Variants in LSAMP observed in about 807,000 individuals in gnomAD.
The protein encoded by LSAMP is limbic system-associated membrane protein.
Under a neutral mutation model 38.6 loss-of-function variants are expected in LSAMP, and 7 were observed. That is an observed-to-expected ratio of 0.18 (90% confidence interval 0.10 to 0.34). The LOEUF is 0.34. Among genes scored for constraint, LSAMP ranks in the 10% least tolerant of loss-of-function variants. The pLI is 1.00. For missense variants in LSAMP, 313 were observed against 420.0 expected, an observed-to-expected ratio of 0.75 and a Z score of 2.23; for synonymous variants, 154 against 166.8, an observed-to-expected ratio of 0.92 and a Z score of 0.59.
At chr3:115,953,410 C>T (rs1013804297) in intron 3 of LSAMP, among the ~76,000 whole-genome samples, 1 of 129,446 alleles carries the variant, frequency 7.7e-6, no homozygotes, top group African/African-American at 2.7e-5. Flanking sequence ...TGCGTACACA[C>T]ACACACACAC....
chr3:116,159,352 T>A (rs1709829250), intron 1 of LSAMP, among the ~76,000 whole-genome samples: 1 of 152,154 alleles, frequency 6.6e-6, no homozygotes, highest in Non-Finnish European at 1.5e-5. Context: ...TTGCAAAGTA[T>A]GCATCTGACA....
At position 116,031,538 on chromosome 3, in the gene LSAMP, C is replaced by CTTTTTTTT. The variant is rs56951507; in HGVS notation, c.389-11906_389-11899dup. 2.7e-4 allele frequency among the ~76,000 whole-genome samples: 16 copies of CTTTTTTTT among 60,276 alleles called. 1 individual carries two copies. The highest frequency in any genetic ancestry group is 6.8e-4 in the East Asian group (1 of 1,480). 39.5% of individuals were successfully genotyped at this position (60,276 alleles called of 152,430 possible). A position where few individuals can be genotyped will look rare whatever the true frequency, so the allele number is the denominator to read the frequency against. ...CATGCCTACATAACTAGCCTAAATT[C>CTTTTTTTT]TTTTTTTTTTTTTTTTTTTTTTTTT... On this transcript the variant is annotated intron_variant, in intron 2 of 6. Coordinates refer to ENST00000490035, the MANE Select transcript of LSAMP (RefSeq NM_002338.5).
intron 1 of LSAMP, among the ~76,000 whole-genome samples, chr3:116,336,818 G>A (rs2047925558): frequency 6.6e-6 from 1 of 151,724 alleles, no homozygotes; most frequent in African/African-American, 2.4e-5. Flanking sequence ...TGAAAGCAGA[G>A]TCTCAAAGAG....
At chr3:116,207,697 G>C (rs2046089867) in intron 1 of LSAMP, among the ~76,000 whole-genome samples, 1 of 151,384 alleles carries the variant, frequency 6.6e-6, no homozygotes, top group Non-Finnish European at 1.5e-5. Flanking sequence ...ATTCTGGGTT[G>C]AAAATTCTTT....
intron 1 of LSAMP, among the ~76,000 whole-genome samples, chr3:116,166,992 C>T (rs376157189): frequency 7.8e-4 from 119 of 151,992 alleles, no homozygotes; most frequent in South Asian, 4.6e-3. Flanking sequence ...GGGGTTTCAC[C>T]GTGTTAGCCA....
At chr3:115,939,528 T>G in intron 3 of LSAMP, among the ~76,000 whole-genome samples, 1 of 111,954 alleles carries the variant, frequency 8.9e-6, no homozygotes, top group Admixed American at 9.2e-5. Flanking sequence ...TATGTTCTCT[T>G]TCTCTTTCTT....
chr3:115,893,277 C>T (rs1936647070), intron 3 of LSAMP, among the ~76,000 whole-genome samples: 1 of 151,922 alleles, frequency 6.6e-6, no homozygotes, highest in Admixed American at 6.6e-5. Context: ...GCACATGTAT[C>T]CCAGAACCTA....
intron 1 of LSAMP, among the ~76,000 whole-genome samples, chr3:116,415,535 G>A (rs1377536223): frequency 6.6e-6 from 1 of 152,074 alleles, no homozygotes; most frequent in African/African-American, 2.4e-5. Flanking sequence ...AGAGGAGGGA[G>A]ACTGTTCTCT....
At chr3:116,141,456 T>G (rs966593661) in intron 1 of LSAMP, among the ~76,000 whole-genome samples, 5 of 151,940 alleles carry the variant, frequency 3.3e-5, no homozygotes, top group Admixed American at 2.6e-4. Context: ...TTGTTTCACC[T>G]TTCTTCTCCC....
intron 3 of LSAMP, among the ~76,000 whole-genome samples, chr3:115,971,230 T>C (rs982793039): frequency 6.6e-6 from 1 of 152,168 alleles, no homozygotes; most frequent in Non-Finnish European, 1.5e-5. Context: ...GCCTGTACAA[T>C]TAATGAGGAA....
At chr3:116,108,183 G>A (rs995430593) in intron 1 of LSAMP, among the ~76,000 whole-genome samples, 1 of 152,150 alleles carries the variant, frequency 6.6e-6, no homozygotes, top group African/African-American at 2.4e-5. Context: ...GAATACAAGA[G>A]GAGGATGCAA....
At chr3:115,947,335 TA>T (rs1166767637) in intron 3 of LSAMP, among the ~76,000 whole-genome samples, 2 of 152,168 alleles carry the variant, frequency 1.3e-5, no homozygotes, top group Admixed American at 1.3e-4. Context: ...AGGAGAATTA[TA>T]AAGGAAGAAC....
chr3:115,957,571 C>G (rs747336456), intron 3 of LSAMP, among the ~76,000 whole-genome samples: 5 of 152,136 alleles, frequency 3.3e-5, no homozygotes, highest in Non-Finnish European at 5.9e-5. Context: ...TTCTTGCTAT[C>G]TATGATAAGT....
chr3:115,901,287 G>T (rs1190966956), intron 3 of LSAMP, among the ~76,000 whole-genome samples: 1 of 151,976 alleles, frequency 6.6e-6, no homozygotes, highest in Non-Finnish European at 1.5e-5. Flanking sequence ...AGGCATGTGA[G>T]GAGGTAATAT....
chr3:115,967,570 A>G (rs1177001058), intron 3 of LSAMP, among the ~76,000 whole-genome samples: 2 of 152,126 alleles, frequency 1.3e-5, no homozygotes, highest in African/African-American at 4.8e-5. Context: ...TTACTGTATT[A>G]GTCCATTTTC....
intron 3 of LSAMP, among the ~76,000 whole-genome samples, chr3:115,885,390 A>G (rs1045708726): frequency 5.2e-4 from 79 of 152,036 alleles, no homozygotes; most frequent in Non-Finnish European, 5.6e-4. Context: ...GAGATTGTCT[A>G]TGTGCCCAGG....
chr3:116,092,941 G>A (rs559841978), intron 1 of LSAMP, among the ~76,000 whole-genome samples: 172 of 152,188 alleles, frequency 1.1e-3, no homozygotes, highest in Admixed American at 1.8e-3. Context: ...TACCAACTTA[G>A]GATTCAAATT....
chr3:116,043,007 G>A (rs1163276920), intron 2 of LSAMP, among the ~76,000 whole-genome samples: 2 of 152,130 alleles, frequency 1.3e-5, no homozygotes, highest in African/African-American at 4.8e-5. Flanking sequence ...AACCTTGGAA[G>A]TATTGAAATT....
intron 1 of LSAMP, among the ~76,000 whole-genome samples, chr3:116,250,437 A>G (rs2046665372): frequency 6.6e-6 from 1 of 152,188 alleles, no homozygotes. Flanking sequence ...CTTTCAATTC[A>G]TCCATCCCTA....
Sources: gnomAD v4.1 joint callset for allele counts (sites outside exome capture counted in the v4.1 genomes callset) on GRCh38, gnomAD v4.1.1 for gene constraint, MANE v1.5 for transcripts, NCBI Gene and HGNC (gene_info 2026-07-23, HGNC 2026-07-21) for gene names.